Variants in PDE6A observed in about 807,000 individuals in gnomAD.
The protein encoded by PDE6A is phosphodiesterase 6A, also known as rod cGMP-specific 3',5'-cyclic phosphodiesterase subunit alpha.
A neutral mutation model predicts 106.3 loss-of-function variants in PDE6A; 84 were observed. That is an observed-to-expected ratio of 0.79 (90% CI 0.66 to 0.95). The LOEUF (loss-of-function observed/expected upper bound fraction) is 0.95, where lower values mean the gene tolerates loss of function less well. Among genes scored for constraint, PDE6A ranks in the 40% least tolerant of loss-of-function variants. The pLI is 0.00. For synonymous variants in PDE6A, 394 were observed against 386.6 expected (o/e 1.02, Z -0.23); for missense variants, 1,052 against 1,084.9 (o/e 0.97, Z 0.43).
intron 17 of PDE6A, among the ~76,000 whole-genome samples, chr5:149,877,970 C>G (rs916334432): frequency 6.6e-6 from 1 of 152,172 alleles, no homozygotes; most frequent in African/African-American, 2.4e-5. Context: ...CCTGAGTATA[C>G]CCAGGGATGA....
At chr5:149,904,136 A>G (rs1316341866) in intron 7 of PDE6A, among the ~76,000 whole-genome samples, 3 of 152,018 alleles carry the variant, frequency 2.0e-5, no homozygotes, top group Non-Finnish European at 4.4e-5. Flanking sequence ...AATCCCAGCT[A>G]CTCTGGAGGT....
intron 20 of PDE6A, among the ~76,000 whole-genome samples, chr5:149,864,473 C>T (rs1462645453): frequency 5.3e-5 from 8 of 152,046 alleles, no homozygotes; most frequent in Non-Finnish European, 1.0e-4. Flanking sequence ...AACTCCTGAC[C>T]TCAAATGATC....
intron 5 of PDE6A, among the ~76,000 whole-genome samples, chr5:149,919,031 T>A (rs1753631347): frequency 6.6e-6 from 1 of 152,144 alleles, no homozygotes; most frequent in African/African-American, 2.4e-5. Flanking sequence ...AGGAGATAAG[T>A]TTCTGCCTGC....
intron 17 of PDE6A, among the ~76,000 whole-genome samples, chr5:149,878,520 G>A (rs990213291): frequency 2.6e-5 from 4 of 152,124 alleles, no homozygotes; most frequent in Admixed American, 2.6e-4. Flanking sequence ...GAGAATATCT[G>A]GAGGGGAAAT....
rs371275627 is a variant in PDE6A at position 149,926,966 on chromosome 5, G to A, written c.858+4062C>T. 1.8e-4 allele frequency among the ~76,000 whole-genome samples: 21 copies of A among 115,140 alleles called. No homozygotes were observed. In the East Asian group the frequency reaches 3.0e-3, roughly 16 times the overall value. The allele number at this position is 115,140 out of a possible 152,430, so 75.5% of individuals were successfully genotyped here. A position where few individuals can be genotyped will look rare whatever the true frequency, so the allele number is the denominator to read the frequency against. ...GCACTCCAGCCTGGGCAACAAGAGC[G>A]AAACTCCGTCTCCAAAAAAAAAAAA... On this transcript the variant is annotated intron_variant, in intron 4 of 21. Transcript: ENST00000255266.
At chr5:149,941,914 C>T (rs1224115028) in intron 1 of PDE6A, among the ~76,000 whole-genome samples, 3 of 151,998 alleles carry the variant, frequency 2.0e-5, no homozygotes, top group Admixed American at 6.6e-5. Flanking sequence ...TTTCACCCAG[C>T]CGATTGGATG....
chr5:149,933,917 C>T lies in PDE6A; in HGVS notation c.717+13G>A, dbSNP rs756014087. 1 of 1,603,182 alleles carries T rather than the reference C, an allele frequency of 6.2e-7. No homozygotes were observed. Among genetic ancestry groups the T allele is most frequent in the South Asian group, 1.1e-5 (1 of 90,448 alleles). ...GACGAGTCAAGTCCATTCCCTTGGC[C>T]CAAGCCCCTTACCTGGCCACGTCGA... On this transcript the variant is annotated intron_variant, in intron 3 of 21. Coordinates refer to ENST00000255266, the MANE Select transcript of PDE6A (RefSeq NM_000440.3).
intron 7 of PDE6A, among the ~76,000 whole-genome samples, chr5:149,905,861 T>C (rs780407801): frequency 3.3e-5 from 5 of 152,182 alleles, no homozygotes; most frequent in Non-Finnish European, 7.3e-5. Flanking sequence ...CTTTTCTTTC[T>C]ATTTTTTTCT....
intron 7 of PDE6A, among the ~76,000 whole-genome samples, chr5:149,904,093 A>G (rs559407304): frequency 2.0e-5 from 3 of 152,332 alleles, no homozygotes; most frequent in East Asian, 3.9e-4. Context: ...CTAAAAATAC[A>G]GAAGTTAACC....
chr5:149,898,561 C>G (rs1752845597), intron 9 of PDE6A, 55 bp from the exon 10 acceptor site: 2 of 1,567,788 alleles, frequency 1.3e-6, no homozygotes, highest in Admixed American at 3.4e-5. Flanking sequence ...TTAATCTTGA[C>G]TCTAAAACTC....
chr5:149,903,601 AG>A lies in PDE6A; in HGVS notation c.1113+46del, dbSNP rs1465094316. 11 of 1,450,264 alleles carry A rather than the reference AG, an allele frequency of 7.6e-6. No individual in the cohort carries two copies. In the South Asian group the frequency reaches 1.1e-4, roughly 15 times the overall value. 89.8% of individuals were successfully genotyped at this position (1,450,264 alleles called of 1,614,324 possible). A position where few individuals can be genotyped will look rare whatever the true frequency, so the allele number is the denominator to read the frequency against. On this transcript the variant is annotated intron_variant, in intron 8 of 21. Coordinates refer to ENST00000255266, the MANE Select transcript of PDE6A (RefSeq NM_000440.3). ...TAATGTATTCTAATGCTCTTTGGGG[AG>A]GAAAAAAAATCATATGACTAAGACT...
chr5:149,860,564 G>A lies in PDE6A; in HGVS notation c.*331C>T. ...AAGCTTGTTCAACCCACGGCCCGTG[G>A]GCCACATGCAGCCCAGGACGGCTTT... On this transcript the variant is annotated 3_prime_UTR_variant, in exon 22 of 22. Transcript: ENST00000255266. The A allele has an allele frequency of 4.2e-6, 1 of 235,908 alleles. No homozygotes were observed. The highest frequency in any genetic ancestry group is 9.9e-5 in the South Asian group (1 of 10,142). 14.6% of individuals were successfully genotyped at this position (235,908 alleles called of 1,614,324 possible).
intron 13 of PDE6A, among the ~76,000 whole-genome samples, chr5:149,888,159 G>A (rs923113177): frequency 7.2e-5 from 11 of 152,144 alleles, no homozygotes; most frequent in African/African-American, 2.7e-4. Context: ...AAAGATCTAA[G>A]AGGATAGAGA....
chr5:149,896,860 A>G, intron 10 of PDE6A, 84 bp from the exon 11 acceptor site: 2 of 1,453,576 alleles, frequency 1.4e-6, no homozygotes, highest in Non-Finnish European at 1.9e-6. Context: ...TCCTTCCTCC[A>G]AAGTCCTTGC....
At chr5:149,905,969 T>C (rs995427061) in intron 7 of PDE6A, among the ~76,000 whole-genome samples, 2 of 152,142 alleles carry the variant, frequency 1.3e-5, no homozygotes, top group African/African-American at 4.8e-5. Flanking sequence ...GGGATACTCC[T>C]GTCTCAGCCT....
chr5:149,875,620 G>T (rs539458023), intron 17 of PDE6A, among the ~76,000 whole-genome samples: 1 of 151,758 alleles, frequency 6.6e-6, no homozygotes, highest in African/African-American at 2.4e-5. Context: ...CTCCTGAGTA[G>T]TTGGGACCAC....
At chr5:149,920,971 A>AAAGAAAGAAAGAAAG (rs1753695862) in intron 5 of PDE6A, among the ~76,000 whole-genome samples, 1 of 131,312 alleles carries the variant, frequency 7.6e-6, no homozygotes, top group Non-Finnish European at 1.5e-5. Context: ...AGAAAGAAAG[A>AAAGAAAGAAAGAAAG]AAGAAAGAAA....
At chr5:149,938,196 G>A (rs764030029) in intron 1 of PDE6A, among the ~76,000 whole-genome samples, 2 of 152,094 alleles carry the variant, frequency 1.3e-5, no homozygotes, top group African/African-American at 2.4e-5. Flanking sequence ...TCAGTACATT[G>A]TCAGTAGTTG....
chr5:149,873,776 A>C (rs1269082273), intron 17 of PDE6A, among the ~76,000 whole-genome samples: 1 of 152,224 alleles, frequency 6.6e-6, no homozygotes, highest in Non-Finnish European at 1.5e-5. Flanking sequence ...TGTCAGAAGC[A>C]AAATCTGGAA....
Sources: allele counts gnomAD v4.1 joint callset (sites outside exome capture counted in the v4.1 genomes callset), GRCh38; gene constraint gnomAD v4.1.1; transcripts MANE v1.5; gene names NCBI Gene and HGNC (gene_info 2026-07-23, HGNC 2026-07-21).